The following MARCHF4 variants were observed in gnomAD, a reference collection of about 807,000 sequenced individuals.
MARCHF4 encodes the protein E3 ubiquitin-protein ligase MARCHF4.
In MARCHF4, 14 loss-of-function variants were observed where a neutral mutation model predicts 43.9. That is an observed-to-expected ratio of 0.32 (90% CI 0.21 to 0.50). The LOEUF (loss-of-function observed/expected upper bound fraction) is 0.50. Among genes scored for constraint, MARCHF4 ranks in the 20% least tolerant of loss-of-function variants. The pLI is 0.98. For synonymous variants in MARCHF4, 226 were observed against 213.3 expected (o/e 1.06, Z -0.52); for missense variants, 468 against 536.7 (o/e 0.87, Z 1.27).
At chr2:216,295,574 G>A (rs528349044) in intron 1 of MARCHF4, among the ~76,000 whole-genome samples, 43 of 152,304 alleles carry the variant, frequency 2.8e-4, no homozygotes, top group African/African-American at 9.9e-4. Context: ...TGGCTTTCAT[G>A]TACCCACCTA....
intron 1 of MARCHF4, among the ~76,000 whole-genome samples, chr2:216,339,537 C>T (rs917109326): frequency 3.0e-4 from 46 of 152,206 alleles, no homozygotes; most frequent in African/African-American, 1.1e-3. Context: ...CTTTCCTCTC[C>T]TCTACCCTTC....
At chr2:216,290,519 G>A (rs1691292069) in intron 1 of MARCHF4, among the ~76,000 whole-genome samples, 2 of 152,198 alleles carry the variant, frequency 1.3e-5, no homozygotes, top group South Asian at 2.1e-4. Flanking sequence ...TGGCATTTGT[G>A]AGTGAGATGG....
chr2:216,320,180 C>T (rs567729308), intron 1 of MARCHF4, among the ~76,000 whole-genome samples: 156 of 152,286 alleles, frequency 1.0e-3, no homozygotes, highest in Middle Eastern at 3.4e-3. Context: ...TAAACTATAT[C>T]AGCTGTTAAG....
At chr2:216,290,210 A>G (rs992973622) in intron 1 of MARCHF4, among the ~76,000 whole-genome samples, 1 of 152,192 alleles carries the variant, frequency 6.6e-6, no homozygotes, top group Non-Finnish European at 1.5e-5. Context: ...GAAATCCTAC[A>G]TAGGGTGACT....
At chr2:216,264,731 C>G (rs889203488) in intron 3 of MARCHF4, among the ~76,000 whole-genome samples, 3 of 152,172 alleles carry the variant, frequency 2.0e-5, no homozygotes, top group Admixed American at 2.0e-4. Flanking sequence ...CTTGATCAGG[C>G]AATTTTGTCC....
chr2:216,358,944 C>T (rs1271966894), intron 1 of MARCHF4, among the ~76,000 whole-genome samples: 1 of 152,120 alleles, frequency 6.6e-6, no homozygotes, highest in Non-Finnish European at 1.5e-5. Flanking sequence ...GGGAAGGAAA[C>T]CAAATGGGGA....
chr2:216,279,025 G>T (rs959602725), intron 2 of MARCHF4, among the ~76,000 whole-genome samples: 1 of 152,232 alleles, frequency 6.6e-6, no homozygotes, highest in Non-Finnish European at 1.5e-5. Context: ...CAAGGTGCCT[G>T]CCCCTGTGGA....
At chr2:216,284,551 G>T (rs1441686948) in intron 1 of MARCHF4, among the ~76,000 whole-genome samples, 1 of 152,112 alleles carries the variant, frequency 6.6e-6, no homozygotes, top group Non-Finnish European at 1.5e-5. Flanking sequence ...CTGCAACCTT[G>T]ATCTTCTGAG....
At chr2:216,278,026 A>C (rs1691056224) in intron 2 of MARCHF4, among the ~76,000 whole-genome samples, 162 bp from the exon 3 acceptor site, 1 of 152,156 alleles carries the variant, frequency 6.6e-6, no homozygotes, top group East Asian at 1.9e-4. Context: ...TCTGAATTTC[A>C]CATTGAACTT....
intron 1 of MARCHF4, among the ~76,000 whole-genome samples, chr2:216,311,333 C>T (rs1405886860): frequency 6.6e-6 from 1 of 152,132 alleles, no homozygotes; most frequent in African/African-American, 2.4e-5. Flanking sequence ...TCTCAGCTCA[C>T]TGCAACCTCC....
intron 3 of MARCHF4, among the ~76,000 whole-genome samples, chr2:216,268,432 G>A (rs1295205842): frequency 6.6e-6 from 1 of 152,178 alleles, no homozygotes; most frequent in East Asian, 1.9e-4. Context: ...TTGGATCATG[G>A]AGGCGGTTTC....
rs192531886 is a variant in MARCHF4 at position 216,367,784 on chromosome 2, G to C, written c.516+1961C>G. ...CTGACCAGATCTTGTATCACATGAGGGTATTTCACAATATTGCCAATGATT... is the reference window on the plus strand; with the variant it reads ...CTGACCAGATCTTGTATCACATGAGCGTATTTCACAATATTGCCAATGATT... On this transcript the variant is annotated intron_variant, in intron 1 of 3. Coordinates refer to ENST00000273067, the MANE Select transcript of MARCHF4 (RefSeq NM_020814.3). Among the ~76,000 whole-genome samples, 15 of 151,810 alleles carry C rather than the reference G, an allele frequency of 9.9e-5. 1 individual carries two copies. The highest frequency in any genetic ancestry group is 1.0e-4 in the Non-Finnish European group (7 of 67,926).
rs376323415 is a variant in MARCHF4 at position 216,280,214 on chromosome 2, G to C, written c.673-2350C>G. 2.0e-4 allele frequency among the ~76,000 whole-genome samples: 30 copies of C among 152,106 alleles called. No individual in the cohort carries two copies. The East Asian group carries it at 5.2e-3, about 27-fold the overall frequency. ...CTGAAAACTCACAGGAGGGCTGGGA[G>C]GGGGAGAAGGACACCCAGGGTACCA... On this transcript the variant is annotated intron_variant, in intron 2 of 3. Coordinates refer to ENST00000273067, the MANE Select transcript of MARCHF4 (RefSeq NM_020814.3).
intron 3 of MARCHF4, 46 bp from the exon 4 acceptor site, chr2:216,259,725 T>G: frequency 6.4e-7 from 1 of 1,574,006 alleles, no homozygotes; most frequent in South Asian, 1.2e-5. Flanking sequence ...TGAGAGGAAG[T>G]GGGTCACGGC....
chr2:216,259,769 G>T (rs1690711974), intron 3 of MARCHF4, 90 bp from the exon 4 acceptor site: 9 of 1,337,732 alleles, frequency 6.7e-6, no homozygotes, highest in Non-Finnish European at 9.3e-6. Context: ...TCTATGCAAG[G>T]TATGGGCAAT....
chr2:216,320,707 GT>G (rs1390566930), intron 1 of MARCHF4, among the ~76,000 whole-genome samples: 1 of 133,724 alleles, frequency 7.5e-6, no homozygotes, highest in Non-Finnish European at 1.5e-5. Flanking sequence ...GTCCCACTCT[GT>G]CACCCAGGCT....
At chr2:216,320,373 AT>A (rs1691860078) in intron 1 of MARCHF4, among the ~76,000 whole-genome samples, 2 of 152,190 alleles carry the variant, frequency 1.3e-5, no homozygotes, top group Non-Finnish European at 2.9e-5. Flanking sequence ...TCTAATAAGC[AT>A]TTCACATTGC....
At chr2:216,328,998 T>C (rs766150236) in intron 1 of MARCHF4, among the ~76,000 whole-genome samples, 13 of 152,030 alleles carry the variant, frequency 8.6e-5, no homozygotes, top group East Asian at 1.9e-4. Context: ...AGATTTTGCC[T>C]GAGCAACAAG....
chr2:216,265,429 C>A (rs566623975), intron 3 of MARCHF4: 1 of 152,374 alleles, frequency 6.6e-6, no homozygotes, highest in African/African-American at 2.4e-5. Context: ...ATCCCACCCC[C>A]ACTCCATGTC....
Sources: allele counts gnomAD v4.1 joint callset (sites outside exome capture counted in the v4.1 genomes callset), GRCh38; gene constraint gnomAD v4.1.1; transcripts MANE v1.5; gene names NCBI Gene and HGNC (gene_info 2026-07-23, HGNC 2026-07-21).